TPTE2: variants seen among roughly 807,000 people sequenced by gnomAD.
TPTE2 encodes the protein transmembrane phosphoinositide 3-phosphatase and tensin homolog 2.
Under a neutral mutation model 78.6 loss-of-function variants are expected in TPTE2, and 53 were observed. The observed-to-expected ratio is 0.67, with a 90% CI of 0.54 to 0.85. The LOEUF is 0.85. TPTE2 is among the 40% of genes least tolerant of loss of function. TPTE2 has a pLI of 0.00. For missense variants in TPTE2, 461 were observed against 623.0 expected (o/e 0.74, Z 2.77); for synonymous variants, 175 against 206.2 (o/e 0.85, Z 1.30).
chr13:19,465,078 G>C (rs573548379), intron 9 of TPTE2, among the ~76,000 whole-genome samples, 177 bp downstream of exon 12: 1 of 152,332 alleles, frequency 6.6e-6, no homozygotes, highest in African/African-American at 2.4e-5. Flanking sequence ...GAATTGAGAA[G>C]ACATGCAGAT....
At chr13:19,559,283 C>G in the TPTE2 span, among the ~76,000 whole-genome samples, 1 of 152,280 alleles carries the variant, frequency 6.6e-6, no homozygotes, top group East Asian at 1.9e-4. Context: ...AGATTCAAAA[C>G]CAAAAGTGGT....
chr13:19,464,604 T>G, intron 9 of TPTE2, 84 bp from the exon 13 acceptor site: 2 of 1,450,974 alleles, frequency 1.4e-6, no homozygotes, highest in Non-Finnish European at 1.9e-6. Context: ...ATGATCAGAC[T>G]CCATTTTCAC....
At chr13:19,492,961 T>C in intron 2 of TPTE2, 58 bp from the exon 6 acceptor site, 1 of 1,607,512 alleles carries the variant, frequency 6.2e-7, no homozygotes, top group Non-Finnish European at 8.5e-7. Context: ...ATTTACTTTT[T>C]TGGAAAATTA....
At chr13:19,527,905 A>G (rs1484300452) in intron 1 of TPTE2, among the ~76,000 whole-genome samples, 1 of 152,190 alleles carries the variant, frequency 6.6e-6, no homozygotes, top group East Asian at 1.9e-4. Flanking sequence ...TTAGCCCTCA[A>G]TCTGTGTGGA....
At chr13:19,551,365 G>A in the TPTE2 span, among the ~76,000 whole-genome samples, 1 of 152,080 alleles carries the variant, frequency 6.6e-6, no homozygotes. Flanking sequence ...CAAGGTGGAC[G>A]GATTACCTGA....
At chr13:19,554,097 C>T in the TPTE2 span, among the ~76,000 whole-genome samples, 1 of 151,866 alleles carries the variant, frequency 6.6e-6, no homozygotes, top group African/African-American at 2.4e-5. Flanking sequence ...GAGGATGGGC[C>T]GGGCATGGTG....
At chr13:19,546,483 C>CTTTT in the TPTE2 span, among the ~76,000 whole-genome samples, 1,917 of 84,872 alleles carry the variant, frequency 0.023, 17 homozygotes, top group East Asian at 0.041. Flanking sequence ...TTTTCTTTTT[C>CTTTT]TTTTTTTTTT....
chr13:19,558,561 A>G, the TPTE2 span, among the ~76,000 whole-genome samples: 1 of 152,364 alleles, frequency 6.6e-6, no homozygotes, highest in South Asian at 2.1e-4. Context: ...CGATATTGCT[A>G]GTTTTGGTCA....
upstream of TPTE2, among the ~76,000 whole-genome samples, chr13:19,537,267 CTT>C: frequency 7.1e-6 from 1 of 140,392 alleles, no homozygotes; most frequent in Admixed American, 7.4e-5. Flanking sequence ...GAGTTTTGCT[CTT>C]GTCACCCAGG....
chr13:19,441,299 AAACT>A (rs1267278148), intron 13 of TPTE2, among the ~76,000 whole-genome samples: 1 of 151,998 alleles, frequency 6.6e-6, no homozygotes, highest in Non-Finnish European at 1.5e-5. Flanking sequence ...ACAGGTTGAA[AAACT>A]AACTATTGGG....
chr13:19,470,684 CCCAGCTA>C (rs1879557084), intron 6 of TPTE2, among the ~76,000 whole-genome samples: 2 of 151,328 alleles, frequency 1.3e-5, no homozygotes, highest in African/African-American at 2.4e-5. Context: ...CAGCACCACA[CCCAGCTA>C]ATTTTTGTAT....
chr13:19,546,553 A>G, the TPTE2 span, among the ~76,000 whole-genome samples: 1 of 137,400 alleles, frequency 7.3e-6, no homozygotes, highest in Non-Finnish European at 1.5e-5. Context: ...GCAATAGCAC[A>G]ATCTCAGCTC....
upstream of TPTE2, among the ~76,000 whole-genome samples, chr13:19,540,298 T>TATTATC (rs1485643938): frequency 2.7e-5 from 4 of 149,136 alleles, no homozygotes; most frequent in East Asian, 7.8e-4. Flanking sequence ...TTATTATTAT[T>TATTATC]ATTATTATTA....
intron 17 of TPTE2, among the ~76,000 whole-genome samples, chr13:19,427,002 C>G (rs2137460084): frequency 1.3e-5 from 2 of 151,828 alleles, no homozygotes; most frequent in African/African-American, 4.8e-5. Flanking sequence ...CTGCACCCGG[C>G]CTGTTGTTTA....
At chr13:19,428,059 T>C (rs151264177) in intron 17 of TPTE2, among the ~76,000 whole-genome samples, 2 of 152,266 alleles carry the variant, frequency 1.3e-5, no homozygotes, top group Admixed American at 1.3e-4. Flanking sequence ...AGAAATTGAA[T>C]TGGGCATGAA....
chr13:19,545,565 A>G, the TPTE2 span, among the ~76,000 whole-genome samples: 12 of 152,312 alleles, frequency 7.9e-5, no homozygotes, highest in African/African-American at 2.6e-4. Context: ...CAAAGCCTAT[A>G]GCCTCAAGTC....
intron 10 of TPTE2, among the ~76,000 whole-genome samples, chr13:19,464,015 C>T (rs573737232): frequency 4.9e-4 from 74 of 152,110 alleles, no homozygotes; most frequent in Non-Finnish European, 9.3e-4. Flanking sequence ...CTGTTGGCAG[C>T]AGTGGGTGCC....
At chr13:19,467,420 C>T (rs1272873318) in intron 6 of TPTE2, 76 bp from the exon 10 acceptor site, 7 of 1,168,256 alleles carry the variant, frequency 6.0e-6, no homozygotes, top group Non-Finnish European at 8.0e-6. Context: ...AGACCACAAA[C>T]TACTGACTCA....
intron 1 of TPTE2, 143 bp from the exon 5 acceptor site, chr13:19,493,644 T>C: frequency 1.3e-6 from 1 of 783,558 alleles, no homozygotes; most frequent in East Asian, 2.5e-5. Flanking sequence ...ACCTGGAATG[T>C]CTATTTTTCT....
Sources: gnomAD v4.1 joint callset for allele counts (sites outside exome capture counted in the v4.1 genomes callset) on GRCh38, gnomAD v4.1.1 for gene constraint, MANE v1.5 for transcripts, NCBI Gene and HGNC (gene_info 2026-07-23, HGNC 2026-07-21) for gene names.